ELOVL4: variants seen among roughly 807,000 people sequenced by gnomAD.
ELOVL4 encodes the protein ELOVL fatty acid elongase 4.
In ELOVL4, 18 loss-of-function variants were observed where a neutral mutation model predicts 42.1. The observed-to-expected ratio is 0.43, with a 90% CI of 0.30 to 0.63. The LOEUF is 0.63. ELOVL4 is among the 30% of genes least tolerant of loss of function. ELOVL4 has a pLI of 0.15. For synonymous variants in ELOVL4, 117 were observed against 127.0 expected (o/e 0.92, Z 0.53); for missense variants, 299 against 376.2 (o/e 0.79, Z 1.70).
chr6:79,939,031 TC>T (rs1449832566), intron 1 of ELOVL4, among the ~76,000 whole-genome samples: 1 of 152,222 alleles, frequency 6.6e-6, no homozygotes, highest in Non-Finnish European at 1.5e-5. Flanking sequence ...AAGGCCTATC[TC>T]CCAGAGTTAT....
At chr6:79,939,793 C>T (rs1486011901) in intron 1 of ELOVL4, among the ~76,000 whole-genome samples, 1 of 152,164 alleles carries the variant, frequency 6.6e-6, no homozygotes, top group African/African-American at 2.4e-5. Context: ...GCATGAGCCA[C>T]TGGGCCCAGC....
chr6:79,942,868 A>T (rs1774670699), intron 1 of ELOVL4, among the ~76,000 whole-genome samples: 1 of 152,200 alleles, frequency 6.6e-6, no homozygotes, highest in Admixed American at 6.5e-5. Context: ...AAGACAATAA[A>T]AACCAAACCA....
At chr6:79,918,038 G>C (rs187393125) in intron 5 of ELOVL4, among the ~76,000 whole-genome samples, 1 of 152,190 alleles carries the variant, frequency 6.6e-6, no homozygotes, top group African/African-American at 2.4e-5. Context: ...ATGACTAACT[G>C]TTGTGGGAAC....
chr6:79,947,287 A>G lies in ELOVL4; in HGVS notation c.-8T>C. 2 of 1,608,608 alleles carry G rather than the reference A, an allele frequency of 1.2e-6. No homozygotes were observed. The highest frequency in any genetic ancestry group is 1.7e-6 in the Non-Finnish European group (2 of 1,176,460). On this transcript the variant is annotated 5_prime_UTR_variant, in exon 1 of 6. Transcript: ENST00000369816. Reference sequence around the variant, plus strand: ...CGAGTCCAGGAGCCCCATCGCGGCGATGAGCGGGCGCTGGCGGCAGGAGAA... The same window carrying G: ...CGAGTCCAGGAGCCCCATCGCGGCGGTGAGCGGGCGCTGGCGGCAGGAGAA...
rs200726708 is a variant in ELOVL4, at chr6:79,944,987, CAAAAAAAAA to C, written c.100+2184_100+2192del. 7.6e-3 allele frequency among the ~76,000 whole-genome samples: 709 copies of C among 93,020 alleles called. 4 individuals carry two copies. Among genetic ancestry groups the C allele is most frequent in the African/African-American group, 0.021 (620 of 29,002 alleles). 61.0% of individuals were successfully genotyped at this position (93,020 alleles called of 152,430 possible). Reference sequence around the variant, plus strand: ...GGAATCAGAGCAGAGTGAATGAGTCCAAAAAAAAAAAAAAAAAAAAAAAAGGAACACGAG... The same window carrying C: ...GGAATCAGAGCAGAGTGAATGAGTCCAAAAAAAAAAAAAAAGGAACACGAG... On this transcript the variant is annotated intron_variant, in intron 1 of 5. Coordinates refer to ENST00000369816, the MANE Select transcript of ELOVL4 (RefSeq NM_022726.4).
At chr6:79,931,684 A>G (rs1330046026) in intron 1 of ELOVL4, among the ~76,000 whole-genome samples, 1 of 152,166 alleles carries the variant, frequency 6.6e-6, no homozygotes, top group Non-Finnish European at 1.5e-5. Flanking sequence ...AGAATAAGGG[A>G]AAAAGACTAA....
intron 1 of ELOVL4, among the ~76,000 whole-genome samples, chr6:79,934,801 A>T: frequency 6.6e-6 from 1 of 152,210 alleles, no homozygotes; most frequent in East Asian, 1.9e-4. Flanking sequence ...ACACAGTGTC[A>T]GAGTTCAATA....
rs116538005 is a variant in ELOVL4, at chr6:79,932,870, G to T, written c.101-6489C>A. On this transcript the variant is annotated intron_variant, in intron 1 of 5. Transcript: ENST00000369816. ...TAGGACAGAAAAGGGGAGAAGGCAG[G>T]GTATAAACACAGACATTTGAACTTT... Among the ~76,000 whole-genome samples, 744 of 151,988 alleles carry T rather than the reference G, an allele frequency of 4.9e-3. 5 individuals are homozygous for T. Among genetic ancestry groups the T allele is most frequent in the African/African-American group, 0.017 (705 of 41,396 alleles).
chr6:79,936,088 TG>T (rs1426919015), intron 1 of ELOVL4, among the ~76,000 whole-genome samples: 2 of 152,220 alleles, frequency 1.3e-5, no homozygotes, highest in Non-Finnish European at 2.9e-5. Context: ...AAAGTTGACT[TG>T]ATTTCTTCCT....
intron 4 of ELOVL4, 103 bp downstream of exon 4, chr6:79,921,516 TGAAAGC>T (rs1774256771): frequency 1.8e-6 from 1 of 567,746 alleles, no homozygotes; most frequent in Non-Finnish European, 3.1e-6. Context: ...TGATTAACCA[TGAAAGC>T]AAGTTAAATG....
intron 4 of ELOVL4, 46 bp downstream of exon 4, chr6:79,921,579 C>A (rs1774257668): frequency 1.3e-6 from 2 of 1,527,798 alleles, no homozygotes; most frequent in African/African-American, 1.4e-5. Flanking sequence ...CCACTGAACA[C>A]ATATATGCAA....
intron 2 of ELOVL4, among the ~76,000 whole-genome samples, chr6:79,925,428 T>C (rs1399791342): frequency 2.0e-5 from 3 of 152,174 alleles, no homozygotes; most frequent in Non-Finnish European, 4.4e-5. Flanking sequence ...GTTCATGAAG[T>C]TGAGACTCGA....
At chr6:79,933,423 G>C (rs1774486694) in intron 1 of ELOVL4, among the ~76,000 whole-genome samples, 2 of 152,010 alleles carry the variant, frequency 1.3e-5, no homozygotes, top group South Asian at 2.1e-4. Flanking sequence ...TAGAGACGAG[G>C]ATTCGCCATG....
At chr6:79,920,575 A>G (rs1046294523) in intron 4 of ELOVL4, among the ~76,000 whole-genome samples, 2 of 152,202 alleles carry the variant, frequency 1.3e-5, no homozygotes, top group African/African-American at 4.8e-5. Flanking sequence ...GATAGGACTC[A>G]GGTCTAAATC....
In ELOVL4 at chr6:79,924,943, T is replaced by C. The variant is rs766784339; in HGVS notation, c.369+9A>G. ...TTTTACTGATTAAGAGTATTTTTAA[T>C]GTACTTACCCTGACTTCATGAACAT... On this transcript the variant is annotated intron_variant, in intron 3 of 5. Transcript: ENST00000369816. The C allele has an allele frequency of 6.4e-6, 10 of 1,560,462 alleles. No individual in the cohort carries two copies. The South Asian group carries it at 6.7e-5, about 10-fold the overall frequency.
chr6:79,947,300 G>A lies in ELOVL4; in HGVS notation c.-21C>T, dbSNP rs750385477. The A allele has an allele frequency of 2.5e-6, 4 of 1,594,044 alleles. No individual in the cohort carries two copies. Among genetic ancestry groups the A allele is most frequent in the African/African-American group, 2.7e-5 (2 of 74,518 alleles). On this transcript the variant is annotated 5_prime_UTR_variant, in exon 1 of 6. Transcript: ENST00000369816. ...CCCATCGCGGCGATGAGCGGGCGCT[G>A]GCGGCAGGAGAAAGCGGAGACCCAG...
chr6:79,922,991 A>T (rs370119958), intron 3 of ELOVL4, among the ~76,000 whole-genome samples: 1 of 152,188 alleles, frequency 6.6e-6, no homozygotes, highest in Non-Finnish European at 1.5e-5. Context: ...ATTCACTATT[A>T]TATTAGTTCT....
At chr6:79,947,101 G>C (rs1231979588) in intron 1 of ELOVL4, 79 bp downstream of exon 1, 9 of 1,216,584 alleles carry the variant, frequency 7.4e-6, no homozygotes, top group Non-Finnish European at 9.4e-6. Context: ...CTGTGGGGCC[G>C]GGCCCGGGAG....
intron 1 of ELOVL4, among the ~76,000 whole-genome samples, chr6:79,942,436 C>T (rs541906828): frequency 3.7e-4 from 56 of 152,198 alleles, no homozygotes; most frequent in African/African-American, 1.3e-3. Context: ...CTACTCATTT[C>T]GGTGTGCTAA....
Sources: allele counts gnomAD v4.1 joint callset (sites outside exome capture counted in the v4.1 genomes callset), GRCh38; gene constraint gnomAD v4.1.1; transcripts MANE v1.5; gene names NCBI Gene and HGNC (gene_info 2026-07-23, HGNC 2026-07-21).